SETD1B: variants seen among roughly 807,000 people sequenced by gnomAD.
SETD1B encodes the protein histone-lysine N-methyltransferase SETD1B.
SETD1B carries 7 observed loss-of-function variants against 148.0 expected under a neutral mutation model. The ratio of observed to expected loss-of-function variants is 0.05; its 90% CI spans 0.03 to 0.09. SETD1B has a LOEUF of 0.09. Ranked by LOEUF, SETD1B falls within the 10% of genes least tolerant of loss-of-function variation. The pLI is 1.00. For synonymous variants in SETD1B, 1,361 were observed against 1,186.5 expected (o/e 1.15, Z -3.02); for missense variants, 2,155 against 2,729.9 (o/e 0.79, Z 4.69).
rs753023640 is a variant in SETD1B, at chr12:121,810,074, A to G, written c.1129A>G (p.Thr377Ala). 1.6e-5 allele frequency: 25 copies of G among 1,550,052 alleles called. No individual in the cohort carries two copies. The South Asian group carries it at 2.5e-4, about 15-fold the overall frequency. The change falls in exon 6 of 17, where the codon ACA becomes GCA. Residue 377 changes from threonine to alanine, a missense_variant. This residue lies in a region of SETD1B where 376 missense variants were observed against 385.0 expected (regional missense o/e 0.98). Coordinates refer to ENST00000604567, the MANE Select transcript of SETD1B (RefSeq NM_001353345.2). The surrounding 1 kb of genome is among the most constrained non-coding windows in gnomAD (Gnocchi z 7.6). ...PFKAQPQDSA[T>A]FAHTPPPAQA... ...CAAGGCTCAACCACAGGATTCAGCC[A>G]CATTTGCCCACACTCCACCACCCGC...
chr12:121,808,156 GC>G lies in SETD1B; in HGVS notation c.545-51del. On this transcript the variant is annotated intron_variant, in intron 4 of 16. Coordinates refer to ENST00000604567, the MANE Select transcript of SETD1B (RefSeq NM_001353345.2). This position sits in a 1 kb window ranked among gnomAD's most constrained non-coding sequence, Gnocchi z 5.3. The stretch of plus-strand genomic sequence containing the variant: ...CACACAGGTTGGAATCCTTGTGGGG[GC>G]TGCCCCATCCTGGAACCTCACTGAG... 2 of 1,408,948 alleles carry G rather than the reference GC, an allele frequency of 1.4e-6. No individual in the cohort carries two copies. The highest frequency in any genetic ancestry group is 2.5e-5 in the East Asian group (1 of 40,014). 87.3% of individuals were successfully genotyped at this position (1,408,948 alleles called of 1,614,324 possible).
rs1187302180 is a variant in SETD1B at position 121,814,558 on chromosome 12, G to A, written c.2343G>A (p.Val781=). 1.3e-6 allele frequency: 2 copies of A among 1,500,320 alleles called. No individual in the cohort carries two copies. Among genetic ancestry groups the A allele is most frequent in the Middle Eastern group, 1.8e-4 (1 of 5,704 alleles). The allele number at this position is 1,500,320 out of a possible 1,614,324, so 92.9% of individuals were successfully genotyped here. Residue 781 remains valine, a synonymous_variant, in exon 7 of 17, where the codon GTG becomes GTA. Transcript: ENST00000604567. ...MPMSFQMQTQ[V]LSRLMTGQGA... Reference sequence around the variant, plus strand: ...TGTCCTTCCAGATGCAAACGCAGGTGCTCAGCCGGCTGATGACGGGCCAGG... The same window carrying A: ...TGTCCTTCCAGATGCAAACGCAGGTACTCAGCCGGCTGATGACGGGCCAGG...
At position 121,822,749 on chromosome 12, in the gene SETD1B, A is replaced by G; in HGVS notation, c.4170A>G (p.Ser1390=). ...CACCAGGCGGGGAGCCCCCGCTATC[A>G]GGGGGCAGCAGTGGCCTGTCCCTGA... ...PATPGGEPPL[S]GGSSGLSLSS... is the part of the protein sequence containing the mutation. Residue 1390 remains serine, a synonymous_variant, in exon 12 of 17, where the codon TCA becomes TCG. Transcript: ENST00000604567. 1 of 1,515,022 alleles carries G rather than the reference A, an allele frequency of 6.6e-7. No individual in the cohort carries two copies. Among genetic ancestry groups the G allele is most frequent in the Non-Finnish European group, 8.9e-7 (1 of 1,123,818 alleles). The allele number at this position is 1,515,022 out of a possible 1,614,324, so 93.8% of individuals were successfully genotyped here.
Position 121,823,337 on chromosome 12 carries a change from T to TTGCC in SETD1B, c.4758_4759insTGCC (p.Pro1587CysfsTer22). The TTGCC allele has an allele frequency of 1.2e-6, 1 of 809,488 alleles. No homozygotes were observed. The highest frequency in any genetic ancestry group is 1.8e-6 in the Non-Finnish European group (1 of 560,562). 50.1% of individuals were successfully genotyped at this position (809,488 alleles called of 1,614,324 possible). ...GGATCCCAGCCCCTCCACCACCCCT[T>TTGCC]CCCCCCCAGCCACCCCCACCCCCAC... On this transcript the variant is annotated frameshift_variant, in exon 12 of 17. Transcript: ENST00000604567. LOFTEE classifies it high-confidence loss of function.
the SETD1B span, chr12:121,793,344 C>G: frequency 7.0e-7 from 1 of 1,433,160 alleles, no homozygotes; most frequent in Non-Finnish European, 9.5e-7. Context: ...TCAGCCCCCC[C>G]TCACCCCGCT....
Position 121,814,759 on chromosome 12 carries a change from C to G in SETD1B, c.2544C>G (p.Gly848=). Residue 848 remains glycine (G), a synonymous_variant, in exon 7 of 17, where the codon GGC becomes GGG. Coordinates refer to ENST00000604567, the MANE Select transcript of SETD1B (RefSeq NM_001353345.2). ...PKFDPSVPPP[G]YMPRQEDPHK... is the part of the protein sequence containing the mutation. ...TTGACCCGTCAGTGCCTCCACCAGG[C>G]TACATGCCACGCCAGGAGGACCCAC... is the stretch of plus-strand genomic sequence containing the variant. 1 of 1,551,416 alleles carries G rather than the reference C, an allele frequency of 6.4e-7. No individual in the cohort carries two copies. The highest frequency in any genetic ancestry group is 1.2e-5 in the South Asian group (1 of 84,070).
Position 121,810,887 on chromosome 12 carries a change from C to T in SETD1B, c.1890+52C>T. ...GGGACTGGTTTTGTCTATCTTGTAT[C>T]TCCCTTTCCCCCTTCAAGCATTTAG... On this transcript the variant is annotated intron_variant, in intron 6 of 16. Coordinates refer to ENST00000604567, the MANE Select transcript of SETD1B (RefSeq NM_001353345.2). This position sits in a 1 kb window ranked among gnomAD's most constrained non-coding sequence, Gnocchi z 7.6. The T allele has an allele frequency of 3.5e-6, 5 of 1,445,938 alleles. No homozygotes were observed. The highest frequency in any genetic ancestry group is 2.5e-5 in the East Asian group (1 of 39,636). 89.6% of individuals were successfully genotyped at this position (1,445,938 alleles called of 1,614,324 possible).
upstream of SETD1B, chr12:121,799,741 C>CGGGGGGGGGGGGGG (rs1276594272): frequency 3.8e-5 from 1 of 26,624 alleles, no homozygotes. Flanking sequence ...TGGGGTGGGG[C>CGGGGGGGGGGGGGG]GGGGCCGCAG....
chr12:121,804,769 A>G lies in SETD1B; in HGVS notation c.32A>G (p.His11Arg), dbSNP rs771290613. The G allele has an allele frequency of 6.6e-7, 1 of 1,513,394 alleles. No homozygotes were observed. Among genetic ancestry groups the G allele is most frequent in the South Asian group, 1.2e-5 (1 of 83,110 alleles). The allele number at this position is 1,513,394 out of a possible 1,614,324, so 93.7% of individuals were successfully genotyped here. A position where few individuals can be genotyped will look rare whatever the true frequency, so the allele number is the denominator to read the frequency against. MENSHPPHHH[H>R]QQPPPQPGPS... is the part of the protein sequence containing the mutation. ...AACAGTCACCCCCCCCACCACCACCACCAGCAGCCCCCGCCGCAGCCCGGC... is the reference window on the plus strand; with the variant it reads ...AACAGTCACCCCCCCCACCACCACCGCCAGCAGCCCCCGCCGCAGCCCGGC... The change falls in exon 2 of 17, where the codon CAC becomes CGC. Residue 11 changes from histidine (H) to arginine (R), a missense_variant. Physicochemically the swap from His to Arg is conservative, Grantham distance 29 (BLOSUM62 0). This residue lies in a region of SETD1B where 36 missense variants were observed against 23.5 expected (regional missense o/e 1.53). Transcript: ENST00000604567. The surrounding 1 kb of genome is among the most constrained non-coding windows in gnomAD (Gnocchi z 4.6).
Position 121,823,097 on chromosome 12 carries a change from C to A in SETD1B, c.4518C>A (p.Ala1506=). The change falls in exon 12 of 17, where the codon GCC becomes GCA. Residue 1506 remains alanine (A), a synonymous_variant. Coordinates refer to ENST00000604567, the MANE Select transcript of SETD1B (RefSeq NM_001353345.2). ...CCCCGCTGCCACCCCTGCTGCCCGC[C>A]CCCCTGGCCTCTTGCCCTCCCCCAA... ...APTPLPPLLP[A]PLASCPPPMK... 1 of 1,516,228 alleles carries A rather than the reference C, an allele frequency of 6.6e-7. No individual in the cohort carries two copies. The highest frequency in any genetic ancestry group is 8.8e-7 in the Non-Finnish European group (1 of 1,134,870). 93.9% of individuals were successfully genotyped at this position (1,516,228 alleles called of 1,614,324 possible). A position where few individuals can be genotyped will look rare whatever the true frequency, so the allele number is the denominator to read the frequency against.
Position 121,817,520 on chromosome 12 carries a change from C to T in SETD1B, c.3128C>T (p.Ala1043Val), listed in dbSNP as rs749218728. ...GAGGACGAGAAGGAGTCATTGTCGG[C>T]GTCCTCGTCCTCATCCGCGTCATCA... ...GEEDEKESLSASSSSSASSSS... is the reference protein window; with the variant it reads ...GEEDEKESLSVSSSSSASSSS... The change falls in exon 9 of 17, where the codon GCG (alanine) becomes GTG (valine). Residue 1043 changes from alanine (A) to valine (V), a missense_variant. Coordinates refer to ENST00000604567, the MANE Select transcript of SETD1B (RefSeq NM_001353345.2). The surrounding 1 kb of genome is among the most constrained non-coding windows in gnomAD (Gnocchi z 8.1). The T allele has an allele frequency of 5.2e-6, 8 of 1,551,324 alleles. No individual in the cohort carries two copies. The highest frequency in any genetic ancestry group is 7.0e-6 in the Non-Finnish European group (8 of 1,146,926).
chr12:121,796,212 A>C, the SETD1B span: 1 of 152,766 alleles, frequency 6.5e-6, no homozygotes, highest in East Asian at 1.9e-4. Context: ...TGAGGGCCTG[A>C]GTCACTCCCC....
the SETD1B span, chr12:121,797,261 G>T: frequency 1.4e-5 from 5 of 362,374 alleles, no homozygotes; most frequent in East Asian, 2.2e-4. Flanking sequence ...CGGGGATGCC[G>T]GCGACTCAGT....
chr12:121,792,971 A>G, the SETD1B span, among the ~76,000 whole-genome samples: 1 of 152,148 alleles, frequency 6.6e-6, no homozygotes, highest in East Asian at 1.9e-4. Flanking sequence ...CCTTCCACTT[A>G]CGTATAGGGC....
At chr12:121,802,307 T>C (rs193117303), upstream of SETD1B, 2 of 152,294 alleles carry the variant, frequency 1.3e-5, no homozygotes, top group Admixed American at 1.3e-4. Context: ...CTCAGCAACA[T>C]TAACATCAAA....
chr12:121,804,023 G>A lies in SETD1B; in HGVS notation c.-225G>A, dbSNP rs1268894740. 3 of 152,984 alleles carry A rather than the reference G, an allele frequency of 2.0e-5. No individual in the cohort carries two copies. The highest frequency in any genetic ancestry group is 7.3e-5 in the African/African-American group (3 of 41,346). 9.5% of individuals were successfully genotyped at this position (152,984 alleles called of 1,614,324 possible). A position where few individuals can be genotyped will look rare whatever the true frequency, so the allele number is the denominator to read the frequency against. On this transcript the variant is annotated 5_prime_UTR_variant, in exon 1 of 17. Transcript: ENST00000604567. This position sits in a 1 kb window ranked among gnomAD's most constrained non-coding sequence, Gnocchi z 4.6. ...TCCTTAGCGGTGTATTGTGGGATGT[G>A]CGGCTACTGGGAGCCGAGCCTCCGC...
chr12:121,819,389 G>A lies in SETD1B; in HGVS notation c.3419-15G>A, dbSNP rs1452894931. The A allele has an allele frequency of 5.8e-6, 9 of 1,551,510 alleles. No individual in the cohort carries two copies. In the East Asian group the frequency reaches 2.2e-4, roughly 38 times the overall value. Reference sequence around the variant, plus strand: ...CGGGTCCTCAGGCAGCCCCTCGTCTGTGTCCCCCATCCAGAGGAGACAGTG... The same window carrying A: ...CGGGTCCTCAGGCAGCCCCTCGTCTATGTCCCCCATCCAGAGGAGACAGTG... On this transcript the variant is annotated splice_polypyrimidine_tract_variant and intron_variant, in intron 10 of 16. Coordinates refer to ENST00000604567, the MANE Select transcript of SETD1B (RefSeq NM_001353345.2).
At chr12:121,828,091 G>A in intron 16 of SETD1B, 21 bp downstream of exon 16, 1 of 1,550,814 alleles carries the variant, frequency 6.4e-7, no homozygotes. Flanking sequence ...AGCGGGGGGT[G>A]GCCCCTGCCC....
chr12:121,810,655 G>A lies in SETD1B; in HGVS notation c.1710G>A (p.Glu570=), dbSNP rs1455621121. 1 of 1,549,424 alleles carries A rather than the reference G, an allele frequency of 6.5e-7. No homozygotes were observed. The highest frequency in any genetic ancestry group is 1.4e-5 in the African/African-American group (1 of 73,052). Residue 570 remains glutamate (E), a synonymous_variant, in exon 6 of 17, where the codon GAG becomes GAA. Transcript: ENST00000604567. The surrounding 1 kb of genome is among the most constrained non-coding windows in gnomAD (Gnocchi z 7.6). The part of the protein sequence containing the change: ...PSSRPSSTGL[E]DISPTPLPDS... ...CACGCCCCTCCAGCACCGGCCTGGA[G>A]GATATCAGCCCAACACCCCTCCCAG...
Sources: allele counts gnomAD v4.1 joint callset (sites outside exome capture counted in the v4.1 genomes callset), GRCh38; gene constraint gnomAD v4.1.1; regional missense constraint gnomAD v4.1.1; non-coding constraint Gnocchi (gnomAD v3.1); transcripts MANE v1.5; gene names NCBI Gene and HGNC (gene_info 2026-07-23, HGNC 2026-07-21).